SIL1: variants seen among roughly 807,000 people sequenced by gnomAD.
The protein encoded by SIL1 is SIL1 nucleotide exchange factor.
Under a neutral mutation model 49.1 loss-of-function variants are expected in SIL1, and 40 were observed. The observed-to-expected ratio is 0.81, with a 90% CI of 0.63 to 1.06. The LOEUF is 1.06. SIL1 is among the 50% of genes least tolerant of loss of function. The pLI, the probability that SIL1 is intolerant of heterozygous loss-of-function variation, is 0.00. For synonymous variants in SIL1, 253 were observed against 250.8 expected (o/e 1.01, Z -0.08); for missense variants, 500 against 572.6 (o/e 0.87, Z 1.29).
chr5:139,067,276 A>G (rs1561849401), intron 3 of SIL1, among the ~76,000 whole-genome samples: 1 of 152,220 alleles, frequency 6.6e-6, no homozygotes, highest in East Asian at 1.9e-4. Context: ...GAAAGATACA[A>G]AGACTGAGAA....
chr5:139,187,611 G>A (rs886166190), intron 1 of SIL1: 1 of 152,158 alleles, frequency 6.6e-6, no homozygotes, highest in African/African-American at 2.4e-5. Flanking sequence ...AGAGGACCAC[G>A]TGGATCAGTT....
chr5:139,193,013 A>C (rs1443069233), intron 1 of SIL1, among the ~76,000 whole-genome samples: 1 of 150,234 alleles, frequency 6.7e-6, no homozygotes, highest in East Asian at 1.9e-4. Flanking sequence ...AAAAAAAAAA[A>C]AAAAAAAAAA....
intron 3 of SIL1, among the ~76,000 whole-genome samples, chr5:139,064,058 C>G (rs896019457): frequency 2.0e-5 from 3 of 152,054 alleles, no homozygotes; most frequent in Non-Finnish European, 4.4e-5. Flanking sequence ...TTCCCCGTAC[C>G]CTATCAGTCC....
At chr5:139,102,701 CT>C (rs1449961279) in intron 3 of SIL1, among the ~76,000 whole-genome samples, 3 of 127,818 alleles carry the variant, frequency 2.3e-5, no homozygotes, top group Non-Finnish European at 5.3e-5. Flanking sequence ...TCAAGGGCTG[CT>C]TTTTTCTTTT....
chr5:139,021,521 C>T (rs1372954093), intron 6 of SIL1, among the ~76,000 whole-genome samples: 3 of 152,162 alleles, frequency 2.0e-5, no homozygotes, highest in African/African-American at 7.2e-5. Context: ...TGGGAATCAG[C>T]AGAAATGACA....
intron 7 of SIL1, among the ~76,000 whole-genome samples, chr5:138,992,288 TGA>T (rs1405885016): frequency 6.6e-6 from 1 of 152,226 alleles, no homozygotes; most frequent in Non-Finnish European, 1.5e-5. Context: ...TGGCCCTTTC[TGA>T]GAGAGTCTGC....
Position 139,188,254 on chromosome 5 carries a change from C to T in SIL1, c.-11+10015G>A, listed in dbSNP as rs1000114106. Among the ~76,000 whole-genome samples the T allele has an allele frequency of 5.3e-5, 8 of 152,200 alleles. No homozygotes were observed. The South Asian group carries it at 8.3e-4, about 16-fold the overall frequency. ...GAAGCAAAAGCAAGAAATAAGAGGG[C>T]GCTTCTGTAATAATTCTGGAGCACA... On this transcript the variant is annotated intron_variant, in intron 1 of 9. Transcript: ENST00000394817.
intron 1 of SIL1, among the ~76,000 whole-genome samples, chr5:139,168,799 A>T (rs754673850): frequency 6.6e-6 from 1 of 151,990 alleles, no homozygotes; most frequent in Admixed American, 6.6e-5. Flanking sequence ...GCAAAACCCC[A>T]TCTCTACAAA....
chr5:138,956,226 G>A (rs1326881568), intron 7 of SIL1, among the ~76,000 whole-genome samples: 1 of 152,218 alleles, frequency 6.6e-6, no homozygotes, highest in Non-Finnish European at 1.5e-5. Context: ...GGTATATGGG[G>A]CCAGGCTCAA....
chr5:139,143,979 G>C (rs944791607), intron 1 of SIL1, among the ~76,000 whole-genome samples: 1 of 152,114 alleles, frequency 6.6e-6, no homozygotes, highest in Non-Finnish European at 1.5e-5. Flanking sequence ...TAAATAAAAA[G>C]TCATTTTAGG....
At position 138,947,357 on chromosome 5, in the gene SIL1, C is replaced by T. The variant is rs778425533; in HGVS notation, c.1146G>A (p.Thr382=). 1.9e-5 allele frequency: 31 copies of T among 1,613,540 alleles called. No individual in the cohort carries two copies. The East Asian group carries it at 5.8e-4, about 30-fold the overall frequency. Residue 382 remains threonine (T), a synonymous_variant, in exon 10 of 10, where the codon ACG becomes ACA. Coordinates refer to ENST00000394817, the MANE Select transcript of SIL1 (RefSeq NM_022464.5). This position sits in a 1 kb window ranked among gnomAD's most constrained non-coding sequence, Gnocchi z 4.1. The part of the protein sequence containing the change: ...GLWEQGWCEI[T]AHLLALPEHD... ...GCTCGGGCAGCGCCAGGAGGTGGGCCGTGATCTCGCACCAGCCCTGTTCCC... is the reference window on the plus strand; with the variant it reads ...GCTCGGGCAGCGCCAGGAGGTGGGCTGTGATCTCGCACCAGCCCTGTTCCC...
intron 7 of SIL1, among the ~76,000 whole-genome samples, chr5:138,960,737 G>A (rs1431319042): frequency 1.3e-5 from 2 of 152,194 alleles, no homozygotes; most frequent in Non-Finnish European, 2.9e-5. Flanking sequence ...TTACAGGCGT[G>A]AGCCACGGCA....
intron 3 of SIL1, 110 bp from the exon 4 acceptor site, chr5:139,051,156 G>T: frequency 1.1e-6 from 1 of 929,752 alleles, no homozygotes; most frequent in South Asian, 1.3e-5. Flanking sequence ...CGACTCAGCT[G>T]TGTTCAGTTA....
At chr5:139,144,167 A>G (rs1388111599) in intron 1 of SIL1, among the ~76,000 whole-genome samples, 4 of 152,172 alleles carry the variant, frequency 2.6e-5, no homozygotes, top group African/African-American at 9.7e-5. Flanking sequence ...TTGAAGCAGG[A>G]GAACAAAACT....
intron 1 of SIL1, among the ~76,000 whole-genome samples, chr5:139,172,370 A>T (rs1751788954): frequency 6.6e-6 from 1 of 152,236 alleles, no homozygotes; most frequent in Non-Finnish European, 1.5e-5. Context: ...ATGATGGCTG[A>T]TGCCTGGAAT....
rs1324972580 is a variant in SIL1, at chr5:139,012,243, C to T, written c.767+8928G>A. The T allele has an allele frequency of 3.9e-5, 6 of 152,144 alleles. No individual in the cohort carries two copies. The South Asian group carries it at 8.3e-4, about 21-fold the overall frequency. The allele number at this position is 152,144 out of a possible 1,614,324, so 9.4% of individuals were successfully genotyped here. On this transcript the variant is annotated intron_variant, in intron 7 of 9. Transcript: ENST00000394817. Reference sequence around the variant, plus strand: ...AAATTAAAATATTTCTTTGTAGAGACGGGGTCTCCTTATGTTGCCCAGGCT... The same window carrying T: ...AAATTAAAATATTTCTTTGTAGAGATGGGGTCTCCTTATGTTGCCCAGGCT...
intron 7 of SIL1, among the ~76,000 whole-genome samples, chr5:139,020,496 G>A (rs574327200): frequency 6.6e-6 from 1 of 152,196 alleles, no homozygotes; most frequent in Non-Finnish European, 1.5e-5. Flanking sequence ...AGGCACAAAT[G>A]GTCCTAAGAG....
chr5:139,172,752 C>T (rs1432641066), intron 1 of SIL1, among the ~76,000 whole-genome samples: 1 of 152,196 alleles, frequency 6.6e-6, no homozygotes, highest in East Asian at 1.9e-4. Flanking sequence ...GAGGGACCCA[C>T]TCCCAAGATG....
chr5:139,019,852 T>A (rs150992702), intron 7 of SIL1, among the ~76,000 whole-genome samples: 215 of 152,166 alleles, frequency 1.4e-3, no homozygotes, highest in African/African-American at 4.6e-3. Context: ...TGGAGAGAGG[T>A]TAATAATGTT....
Sources: allele counts gnomAD v4.1 joint callset (sites outside exome capture counted in the v4.1 genomes callset), GRCh38; gene constraint gnomAD v4.1.1; non-coding constraint Gnocchi (gnomAD v3.1); transcripts MANE v1.5; gene names NCBI Gene and HGNC (gene_info 2026-07-23, HGNC 2026-07-21).